INPP5D: variants seen among roughly 807,000 people sequenced by gnomAD.
INPP5D encodes inositol polyphosphate-5-phosphatase D.
INPP5D carries 33 observed loss-of-function variants against 122.9 expected under a neutral mutation model. The observed-to-expected ratio is 0.27, with a 90% CI of 0.20 to 0.36. The LOEUF is 0.36. INPP5D is among the 10% of genes least tolerant of loss of function. INPP5D has a pLI of 1.00. For synonymous variants in INPP5D, 584 were observed against 576.2 expected (o/e 1.01, Z -0.19); for missense variants, 1,053 against 1,412.7 (o/e 0.75, Z 4.08).
chr2:233,206,791 GCTC>G lies in INPP5D; in HGVS notation c.*89_*91del. 1.4e-6 allele frequency: 1 copy of G among 723,446 alleles called. No homozygotes were observed. The highest frequency in any genetic ancestry group is 1.5e-5 in the South Asian group (1 of 67,980). The allele number at this position is 723,446 out of a possible 1,614,324, so 44.8% of individuals were successfully genotyped here. A position where few individuals can be genotyped will look rare whatever the true frequency, so the allele number is the denominator to read the frequency against. On this transcript the variant is annotated 3_prime_UTR_variant, in exon 27 of 27. Transcript: ENST00000445964. The surrounding 1 kb of genome is among the most constrained non-coding windows in gnomAD (Gnocchi z 4.0). ...GACCCTCTCCCGGGACCTCCTGCTG[GCTC>G]CTCCTGCCCAGCTTCCTATGCAAGG...
chr2:233,147,078 G>A (rs1195024547), intron 8 of INPP5D, among the ~76,000 whole-genome samples: 1 of 152,178 alleles, frequency 6.6e-6, no homozygotes, highest in African/African-American at 2.4e-5. Context: ...ATCAGTAAAT[G>A]TTCAATCAGT....
chr2:233,160,124 G>A lies in INPP5D; in HGVS notation c.1138-1600G>A, dbSNP rs1167104551. Among the ~76,000 whole-genome samples, 4 of 152,218 alleles carry A rather than the reference G, an allele frequency of 2.6e-5. No homozygotes were observed. Among genetic ancestry groups the A allele is most frequent in the East Asian group, 1.9e-4 (1 of 5,202 alleles). On this transcript the variant is annotated intron_variant, in intron 10 of 26. Transcript: ENST00000445964. The surrounding 1 kb of genome is among the most constrained non-coding windows in gnomAD (Gnocchi z 4.2). ...ATGAATCTTGAGCCACTCCCAACTC[G>A]AGGCAGGTTATAGTAAAGATGGTCA...
intron 9 of INPP5D, among the ~76,000 whole-genome samples, chr2:233,154,903 C>T (rs1694007401): frequency 6.6e-6 from 1 of 152,232 alleles, no homozygotes; most frequent in South Asian, 2.1e-4. Flanking sequence ...TATAAGGGCA[C>T]TGGCTTTTGA....
chr2:233,088,105 A>T (rs894798534), intron 2 of INPP5D, among the ~76,000 whole-genome samples: 1 of 152,028 alleles, frequency 6.6e-6, no homozygotes, highest in Non-Finnish European at 1.5e-5. Flanking sequence ...CCTTCCAAGT[A>T]GCTGGGATTA....
intron 9 of INPP5D, among the ~76,000 whole-genome samples, chr2:233,157,681 A>G (rs1315246010): frequency 6.6e-6 from 1 of 152,074 alleles, no homozygotes; most frequent in Non-Finnish European, 1.5e-5. Flanking sequence ...CTCATCTTCC[A>G]TAGTGGACAG....
At chr2:233,121,823 G>A (rs139067572) in intron 2 of INPP5D, among the ~76,000 whole-genome samples, 1 of 152,196 alleles carries the variant, frequency 6.6e-6, no homozygotes, top group African/African-American at 2.4e-5. Context: ...ACCGTGCCTG[G>A]CCCAAAAACA....
intron 2 of INPP5D, among the ~76,000 whole-genome samples, chr2:233,119,995 G>A (rs776042963): frequency 2.6e-5 from 4 of 152,316 alleles, no homozygotes; most frequent in South Asian, 2.1e-4. Context: ...GCCCAGCCAC[G>A]CTCAGGCCAG....
At chr2:233,139,466 C>CTGTGTGTGTGTGTGTGTGTG (rs1191977468) in intron 5 of INPP5D, among the ~76,000 whole-genome samples, 133 of 147,544 alleles carry the variant, frequency 9.0e-4, no homozygotes, top group African/African-American at 3.0e-3. Context: ...TTGTTAACAC[C>CTGTGTGTGTGTGTGTGTGTG]TGTGTGTGTG....
chr2:233,094,063 A>G (rs1391081893), intron 2 of INPP5D, among the ~76,000 whole-genome samples: 3 of 152,274 alleles, frequency 2.0e-5, no homozygotes, highest in South Asian at 2.1e-4. Flanking sequence ...CACAGGCCAC[A>G]TGGGGTCACA....
intron 5 of INPP5D, chr2:233,130,856 A>G (rs1204809350): frequency 4.2e-6 from 3 of 715,476 alleles, no homozygotes; most frequent in Non-Finnish European, 7.4e-6. Flanking sequence ...TGTGTGCTGC[A>G]GCTTTTTACA....
rs1574789225 is a variant in INPP5D at position 233,177,492 on chromosome 2, A to G, written c.2071+146A>G. 1 of 1,336,282 alleles carries G rather than the reference A, an allele frequency of 7.5e-7. No homozygotes were observed. Among genetic ancestry groups the G allele is most frequent in the African/African-American group, 1.4e-5 (1 of 69,052 alleles). The allele number at this position is 1,336,282 out of a possible 1,614,324, so 82.8% of individuals were successfully genotyped here. On this transcript the variant is annotated intron_variant, in intron 18 of 26. Transcript: ENST00000445964. This position sits in a 1 kb window ranked among gnomAD's most constrained non-coding sequence, Gnocchi z 4.2. The stretch of plus-strand genomic sequence containing the variant: ...GTAACCCTAATCAGGCGACCTGGAA[A>G]TGTTGATGCTTCCCTGCCTGTCTTG...
rs1469135843 is a variant in INPP5D, at chr2:233,065,311, T to TG, written c.134+4699_134+4700insG. On this transcript the variant is annotated intron_variant, in intron 1 of 26. Coordinates refer to ENST00000445964, the MANE Select transcript of INPP5D (RefSeq NM_001017915.3). Reference sequence around the variant, plus strand: ...AACACAATCAGCACTTCTTGGGTTTTTTTTTTTTTTTTTTTTGACAGAGTC... The same window carrying TG: ...AACACAATCAGCACTTCTTGGGTTTTGTTTTTTTTTTTTTTTTGACAGAGTC... 3.6e-5 allele frequency among the ~76,000 whole-genome samples: 5 copies of TG among 139,544 alleles called. No individual in the cohort carries two copies. The South Asian group carries it at 8.9e-4, about 25-fold the overall frequency. 91.5% of individuals were successfully genotyped at this position (139,544 alleles called of 152,430 possible). A position where few individuals can be genotyped will look rare whatever the true frequency, so the allele number is the denominator to read the frequency against.
chr2:233,158,859 G>T lies in INPP5D; in HGVS notation c.1137+440G>T, dbSNP rs148438397. Among the ~76,000 whole-genome samples, 27 of 152,242 alleles carry T rather than the reference G, an allele frequency of 1.8e-4. No homozygotes were observed. The East Asian group carries it at 5.2e-3, about 29-fold the overall frequency. ...AGTGGCGTGATCACAGCTCACGGCA[G>T]CCTCCACCTCCTGGGCTCAAGGGAT... On this transcript the variant is annotated intron_variant, in intron 10 of 26. Transcript: ENST00000445964.
At position 233,206,918 on chromosome 2, in the gene INPP5D, C is replaced by T; in HGVS notation, c.*210C>T. Reference sequence around the variant, plus strand: ...GTGCTGAGGCTGGAAGAAAAACGCACACCAGACGGGCAACAAACAGTCTGG... The same window carrying T: ...GTGCTGAGGCTGGAAGAAAAACGCATACCAGACGGGCAACAAACAGTCTGG... On this transcript the variant is annotated 3_prime_UTR_variant, in exon 27 of 27. Transcript: ENST00000445964. The surrounding 1 kb of genome is among the most constrained non-coding windows in gnomAD (Gnocchi z 4.0). 3.6e-6 allele frequency: 2 copies of T among 554,804 alleles called. No homozygotes were observed. Among genetic ancestry groups the T allele is most frequent in the East Asian group, 3.2e-5 (1 of 31,694 alleles). The allele number at this position is 554,804 out of a possible 1,614,324, so 34.4% of individuals were successfully genotyped here. A position where few individuals can be genotyped will look rare whatever the true frequency, so the allele number is the denominator to read the frequency against.
rs1160357196 is a variant in INPP5D at position 233,137,853 on chromosome 2, AATAT to A, written c.666-1947_666-1944del. Among the ~76,000 whole-genome samples, 158 of 27,712 alleles carry A rather than the reference AATAT, an allele frequency of 5.7e-3. 9 individuals are homozygous for A. Among genetic ancestry groups the A allele is most frequent in the East Asian group, 0.013 (11 of 828 alleles). 18.2% of individuals were successfully genotyped at this position (27,712 alleles called of 152,430 possible). On this transcript the variant is annotated intron_variant, in intron 5 of 26. Coordinates refer to ENST00000445964, the MANE Select transcript of INPP5D (RefSeq NM_001017915.3). Reference sequence around the variant, plus strand: ...ATCACAAAAAAAAAAAAAAAAAAAAAATATATATATATATATATATATATATATA... The same window carrying A: ...ATCACAAAAAAAAAAAAAAAAAAAAAATATATATATATATATATATATATA...
At chr2:233,173,158 G>T (rs1050116722) in intron 17 of INPP5D, among the ~76,000 whole-genome samples, 2 of 150,884 alleles carry the variant, frequency 1.3e-5, no homozygotes, top group Non-Finnish European at 2.9e-5. Flanking sequence ...GCAGTGAGCC[G>T]AGATCGCGCC....
In INPP5D at chr2:233,170,488, T is replaced by G; in HGVS notation, c.1792-8T>G. 1 of 1,613,708 alleles carries G rather than the reference T, an allele frequency of 6.2e-7. No individual in the cohort carries two copies. Among genetic ancestry groups the G allele is most frequent in the Non-Finnish European group, 8.5e-7 (1 of 1,179,794 alleles). On this transcript the variant is annotated splice_region_variant and splice_polypyrimidine_tract_variant and intron_variant, in intron 15 of 26. Transcript: ENST00000445964. The surrounding 1 kb of genome is among the most constrained non-coding windows in gnomAD (Gnocchi z 4.5). Reference sequence around the variant, plus strand: ...CTCACCAGAGGCCCGGGCATGTTCTTGTTCCAGGAGGCAGAAACCATCATC... The same window carrying G: ...CTCACCAGAGGCCCGGGCATGTTCTGGTTCCAGGAGGCAGAAACCATCATC...
Position 233,170,131 on chromosome 2 carries a change from G to A in INPP5D, c.1758G>A (p.Gly586=). 6.2e-7 allele frequency: 1 copy of A among 1,614,012 alleles called. No individual in the cohort carries two copies. The highest frequency in any genetic ancestry group is 1.1e-5 in the South Asian group (1 of 91,080). ...GCTTCACGCACCTCTTCTGGTTTGG[G>A]GATCTTAACTACCGTGTGGATCTGC... ...THRFTHLFWF[G]DLNYRVDLPT... Residue 586 remains glycine, a synonymous_variant, in exon 15 of 27, where the codon GGG becomes GGA. Coordinates refer to ENST00000445964, the MANE Select transcript of INPP5D (RefSeq NM_001017915.3). The surrounding 1 kb of genome is among the most constrained non-coding windows in gnomAD (Gnocchi z 4.5).
rs1342165952 is a variant in INPP5D, at chr2:233,177,067, T to C, written c.1990-198T>C. 6.6e-6 allele frequency among the ~76,000 whole-genome samples: 1 copy of C among 152,108 alleles called. No homozygotes were observed. The highest frequency in any genetic ancestry group is 2.4e-5 in the African/African-American group (1 of 41,396). ...TACAGCAAGGTGAGTTATCTTAGTC[T>C]AAAGAAGAAGGCGTGGCAGTGGAGT... On this transcript the variant is annotated intron_variant, in intron 17 of 26. Coordinates refer to ENST00000445964, the MANE Select transcript of INPP5D (RefSeq NM_001017915.3). The surrounding 1 kb of genome is among the most constrained non-coding windows in gnomAD (Gnocchi z 4.2).
Sources: allele counts gnomAD v4.1 joint callset (sites outside exome capture counted in the v4.1 genomes callset), GRCh38; gene constraint gnomAD v4.1.1; non-coding constraint Gnocchi (gnomAD v3.1); transcripts MANE v1.5; gene names NCBI Gene and HGNC (gene_info 2026-07-23, HGNC 2026-07-21).